The following CNR1 variants were observed in gnomAD, a reference collection of about 807,000 sequenced individuals.
The protein encoded by CNR1 is cannabinoid receptor 1 (brain).
In CNR1, 10 loss-of-function variants were observed where a neutral mutation model predicts 23.0. That is an observed-to-expected ratio of 0.43 (90% CI 0.27 to 0.74). The LOEUF is 0.74. CNR1 is among the 30% of genes least tolerant of loss of function. CNR1 has a pLI of 0.19. For synonymous variants in CNR1, 271 were observed against 255.2 expected (o/e 1.06, Z -0.59); for missense variants, 422 against 618.8 (o/e 0.68, Z 3.37).
chr6:88,161,160 C>A (rs936806508), intron 1 of CNR1, among the ~76,000 whole-genome samples: 3 of 152,182 alleles, frequency 2.0e-5, no homozygotes, highest in African/African-American at 7.2e-5. Flanking sequence ...ATAATGATTT[C>A]CATCTAACCA....
intron 1 of CNR1, among the ~76,000 whole-genome samples, chr6:88,151,718 T>C (rs933154052): frequency 8.6e-5 from 13 of 151,918 alleles, no homozygotes; most frequent in Middle Eastern, 3.5e-3. Context: ...AGAATGCTCA[T>C]TGCCTTAATT....
intron 1 of CNR1, among the ~76,000 whole-genome samples, chr6:88,160,881 T>G (rs1434198873): frequency 1.3e-5 from 2 of 152,098 alleles, no homozygotes; most frequent in Admixed American, 1.3e-4. Context: ...AAAGAAATGG[T>G]GAAGGAAAGA....
intron 1 of CNR1, chr6:88,164,237 A>C (rs572165820): frequency 1.3e-5 from 2 of 152,474 alleles, no homozygotes; most frequent in South Asian, 2.1e-4. Flanking sequence ...ACCTCTCCCC[A>C]TCAGACACTT....
rs191749415 is a variant in CNR1, at chr6:88,165,254, T to C, written c.-64+549A>G. ...TCTTTTAAAAATGCAACATTAACTTTAGTCATCTAACAGCTAGTTCTGAGT... is the reference window on the plus strand; with the variant it reads ...TCTTTTAAAAATGCAACATTAACTTCAGTCATCTAACAGCTAGTTCTGAGT... On this transcript the variant is annotated intron_variant, in intron 1 of 1. Coordinates refer to ENST00000369501, the MANE Select transcript of CNR1 (RefSeq NM_016083.6). Among the ~76,000 whole-genome samples the C allele has an allele frequency of 1.6e-3, 245 of 152,372 alleles. 2 individuals are homozygous for C. The highest frequency in any genetic ancestry group is 1.1e-3 in the Non-Finnish European group (75 of 68,036).
In CNR1 at chr6:88,144,272, C is replaced by T; in HGVS notation, c.1003G>A (p.Ala335Thr). Residue 335 changes from alanine (A) to threonine (T), a missense_variant, in exon 2 of 2, where the codon GCC becomes ACC. Physicochemically the swap from Ala to Thr is moderately conservative, Grantham distance 58. Around this residue, in one of 4 missense-constraint regions of CNR1, gnomAD observed 211 missense variants for 357.3 expected, o/e 0.59. Coordinates refer to ENST00000369501, the MANE Select transcript of CNR1 (RefSeq NM_016083.6). This position sits in a 1 kb window ranked among gnomAD's most constrained non-coding sequence, Gnocchi z 7.8. ...TTGGCTAACCTAATGTCCATGCGGGCTTGGTCTGGCCGGGTCACCTGTACC... is the reference window on the plus strand; with the variant it reads ...TTGGCTAACCTAATGTCCATGCGGGTTTGGTCTGGCCGGGTCACCTGTACC... Reference protein sequence around the residue: ...GKVQVTRPDQARMDIRLAKTL... With the variant: ...GKVQVTRPDQTRMDIRLAKTL... 1 of 1,611,194 alleles carries T rather than the reference C, an allele frequency of 6.2e-7. No individual in the cohort carries two copies. The highest frequency in any genetic ancestry group is 1.1e-5 in the South Asian group (1 of 91,068).
intron 1 of CNR1, chr6:88,164,132 G>A (rs556738105): frequency 2.0e-5 from 3 of 152,436 alleles, no homozygotes; most frequent in African/African-American, 4.8e-5. Context: ...CAACGAGTAT[G>A]CAAGCACAGT....
At position 88,144,714 on chromosome 6, in the gene CNR1, G is replaced by A. The variant is rs777379934; in HGVS notation, c.561C>T (p.Asn187=). ...CCCCACCCAGTTTGAACAGAAACAC[G>A]TTGCGGCTATCTTTGCGGTGGAACA... The part of the protein sequence containing the change: ...FHVFHRKDSR[N]VFLFKLGGVT... Residue 187 remains asparagine (N), a synonymous_variant, in exon 2 of 2, where the codon AAC becomes AAT. Transcript: ENST00000369501. The surrounding 1 kb of genome is among the most constrained non-coding windows in gnomAD (Gnocchi z 7.8). 2.7e-5 allele frequency: 43 copies of A among 1,614,086 alleles called. No homozygotes were observed. In the East Asian group the frequency reaches 2.9e-4, roughly 11 times the overall value.
At chr6:88,159,987 T>G (rs1018271087) in intron 1 of CNR1, among the ~76,000 whole-genome samples, 1 of 152,238 alleles carries the variant, frequency 6.6e-6, no homozygotes, top group Non-Finnish European at 1.5e-5. Context: ...ATGATCTTTT[T>G]TTTTTTAAAG....
rs1212461910 is a variant in CNR1, at chr6:88,141,819, GC to G, written c.*2036del. 3 of 152,358 alleles carry G rather than the reference GC, an allele frequency of 2.0e-5. No homozygotes were observed. In the East Asian group the frequency reaches 5.6e-4, roughly 29 times the overall value. The allele number at this position is 152,358 out of a possible 1,614,324, so 9.4% of individuals were successfully genotyped here. On this transcript the variant is annotated 3_prime_UTR_variant, in exon 2 of 2. Coordinates refer to ENST00000369501, the MANE Select transcript of CNR1 (RefSeq NM_016083.6). ...AGCGTGAACCGTAAGAAGGGGAACT[GC>G]CCCATCAGGCTGCTTGGGTATCTCG...
At chr6:88,148,509 T>A (rs1235218251) in intron 1 of CNR1, among the ~76,000 whole-genome samples, 2 of 151,708 alleles carry the variant, frequency 1.3e-5, no homozygotes, top group Non-Finnish European at 2.9e-5. Flanking sequence ...AACAAGAAGC[T>A]CTTTTCTACC....
At chr6:88,161,210 A>G (rs1778087398) in intron 1 of CNR1, among the ~76,000 whole-genome samples, 3 of 152,258 alleles carry the variant, frequency 2.0e-5, no homozygotes, top group Admixed American at 6.5e-5. Context: ...CAAAGCAAAG[A>G]AAGCAAAACT....
At chr6:88,165,568 G>A (rs1017252033) in intron 1 of CNR1, among the ~76,000 whole-genome samples, 1 of 152,172 alleles carries the variant, frequency 6.6e-6, no homozygotes. Context: ...ACAGACATCA[G>A]TGCATACAGA....
At chr6:88,166,782 C>G (rs951452710), upstream of CNR1, among the ~76,000 whole-genome samples, 1 of 129,552 alleles carries the variant, frequency 7.7e-6, no homozygotes, top group Non-Finnish European at 1.7e-5. Context: ...TCTGGGGCAG[C>G]GGGCTGAGCC....
At position 88,143,245 on chromosome 6, in the gene CNR1, A is replaced by G. The variant is rs1776927169; in HGVS notation, c.*611T>C. Reference sequence around the variant, plus strand: ...TGTCAAAATTAAATAGAGATATTTGAAGAAATATTAAGGTTTATTTCTAAA... The same window carrying G: ...TGTCAAAATTAAATAGAGATATTTGGAGAAATATTAAGGTTTATTTCTAAA... On this transcript the variant is annotated 3_prime_UTR_variant, in exon 2 of 2. Transcript: ENST00000369501. 1 of 152,582 alleles carries G rather than the reference A, an allele frequency of 6.6e-6. No individual in the cohort carries two copies. The highest frequency in any genetic ancestry group is 2.1e-4 in the South Asian group (1 of 4,836). The allele number at this position is 152,582 out of a possible 1,614,324, so 9.5% of individuals were successfully genotyped here.
chr6:88,140,036 A>G lies in CNR1; in HGVS notation c.*3820T>C, dbSNP rs954893936. ...ATTACAGAAGAAGTACTACTTTGCTATAGTAATTTAATGACTGAAGCTACA... is the reference window on the plus strand; with the variant it reads ...ATTACAGAAGAAGTACTACTTTGCTGTAGTAATTTAATGACTGAAGCTACA... On this transcript the variant is annotated 3_prime_UTR_variant, in exon 2 of 2. Coordinates refer to ENST00000369501, the MANE Select transcript of CNR1 (RefSeq NM_016083.6). 4.6e-5 allele frequency: 7 copies of G among 152,788 alleles called. No individual in the cohort carries two copies. Among genetic ancestry groups the G allele is most frequent in the African/African-American group, 1.4e-4 (6 of 41,470 alleles). 9.5% of individuals were successfully genotyped at this position (152,788 alleles called of 1,614,324 possible).
intron 1 of CNR1, among the ~76,000 whole-genome samples, chr6:88,151,683 T>C (rs1341663278): frequency 6.6e-6 from 1 of 151,258 alleles, no homozygotes; most frequent in Admixed American, 6.6e-5. Flanking sequence ...ATTATAATAA[T>C]ATAATACATA....
chr6:88,145,052 G>T lies in CNR1; in HGVS notation c.223C>A (p.Gln75Lys). 6.2e-7 allele frequency: 1 copy of T among 1,614,132 alleles called. No individual in the cohort carries two copies. The highest frequency in any genetic ancestry group is 2.2e-5 in the East Asian group (1 of 44,882). The change falls in exon 2 of 2, where the codon CAG becomes AAG. Residue 75 changes from glutamine (Q) to lysine (K), a missense_variant. Coordinates refer to ENST00000369501, the MANE Select transcript of CNR1 (RefSeq NM_016083.6). Reference sequence around the variant, plus strand: ...TTGTAAAATTCTGTAATGTTCACCTGGTCTGCTGGGACTAGCTGGGGGTTG... The same window carrying T: ...TTGTAAAATTCTGTAATGTTCACCTTGTCTGCTGGGACTAGCTGGGGGTTG... Reference protein sequence around the residue: ...GDNPQLVPADQVNITEFYNKS... With the variant: ...GDNPQLVPADKVNITEFYNKS...
intron 1 of CNR1, among the ~76,000 whole-genome samples, chr6:88,159,465 TTAA>T (rs1777971747): frequency 6.6e-6 from 1 of 152,226 alleles, no homozygotes; most frequent in African/African-American, 2.4e-5. Flanking sequence ...CCCAAGGCAC[TTAA>T]ATATATGACT....
intron 1 of CNR1, among the ~76,000 whole-genome samples, chr6:88,152,884 GT>G (rs1446762237): frequency 6.6e-6 from 1 of 152,004 alleles, no homozygotes; most frequent in Non-Finnish European, 1.5e-5. Context: ...TTTTGTTTTT[GT>G]TTGCTACTAG....
Sources: allele counts gnomAD v4.1 joint callset (sites outside exome capture counted in the v4.1 genomes callset), GRCh38; gene constraint gnomAD v4.1.1; regional missense constraint gnomAD v4.1.1; non-coding constraint Gnocchi (gnomAD v3.1); transcripts MANE v1.5; gene names NCBI Gene and HGNC (gene_info 2026-07-23, HGNC 2026-07-21).